Variants in SMG6 observed in about 807,000 individuals in gnomAD.
SMG6 encodes telomerase-binding protein EST1A.
A neutral mutation model predicts 142.2 loss-of-function variants in SMG6; 66 were observed. The ratio of observed to expected loss-of-function variants is 0.46; its 90% CI spans 0.38 to 0.57. The LOEUF (loss-of-function observed/expected upper bound fraction) is 0.57. SMG6 is among the 20% of genes least tolerant of loss of function. SMG6 has a pLI of 0.00. For missense variants in SMG6, 1,793 were observed against 1,832.0 expected, an observed-to-expected ratio of 0.98 and a Z score of 0.39; for synonymous variants, 779 against 702.4, an observed-to-expected ratio of 1.11 and a Z score of -1.72.
intron 18 of SMG6, among the ~76,000 whole-genome samples, chr17:2,064,242 C>T (rs1277655964): frequency 6.6e-6 from 1 of 152,132 alleles, no homozygotes; most frequent in Non-Finnish European, 1.5e-5. Flanking sequence ...GCAGATGACA[C>T]AGAGCTGGCA....
chr17:2,289,945 TATA>T (rs1384382637), intron 6 of SMG6, among the ~76,000 whole-genome samples: 5 of 118,114 alleles, frequency 4.2e-5, no homozygotes, highest in Admixed American at 8.0e-5. Context: ...TTTATACATA[TATA>T]TATATATATA....
chr17:2,266,552 A>G (rs2074426288), intron 8 of SMG6, among the ~76,000 whole-genome samples: 1 of 152,202 alleles, frequency 6.6e-6, no homozygotes, highest in Non-Finnish European at 1.5e-5. Flanking sequence ...AGCATGGCTT[A>G]TGTCACGTCT....
At chr17:2,191,629 G>A (rs1008565610) in intron 10 of SMG6, among the ~76,000 whole-genome samples, 1 of 152,174 alleles carries the variant, frequency 6.6e-6, no homozygotes, top group Admixed American at 6.5e-5. Flanking sequence ...AAGTCAGACG[G>A]AAATATTTCT....
chr17:2,068,836 C>A lies in SMG6; in HGVS notation c.3777G>T (p.Leu1259=), dbSNP rs778799313. Residue 1259 remains leucine, a synonymous_variant, in exon 16 of 19, where the codon CTG becomes CTT. Transcript: ENST00000263073. This position sits in a 1 kb window ranked among gnomAD's most constrained non-coding sequence, Gnocchi z 6.7. ...TCTCCAGCAGCCGCGCCAGACTGGC[C>A]AGGTGGTCAATGAAGCCGTTGGTGT... is the stretch of plus-strand genomic sequence containing the variant. ...VPDTNGFIDH[L]ASLARLLESR... 1 of 1,614,116 alleles carries A rather than the reference C, an allele frequency of 6.2e-7. No homozygotes were observed. Among genetic ancestry groups the A allele is most frequent in the Non-Finnish European group, 8.5e-7 (1 of 1,180,048 alleles).
intron 8 of SMG6, among the ~76,000 whole-genome samples, chr17:2,271,847 T>C (rs1017633457): frequency 6.6e-6 from 1 of 152,224 alleles, no homozygotes; most frequent in Non-Finnish European, 1.5e-5. Context: ...CTAGCATGTT[T>C]GAGTTCAAAA....
intron 13 of SMG6, among the ~76,000 whole-genome samples, chr17:2,121,640 T>TA (rs1467727271): frequency 3.0e-5 from 3 of 98,662 alleles, no homozygotes; most frequent in Non-Finnish European, 7.0e-5. Flanking sequence ...TGTGTGTGTG[T>TA]GTGTGTAGAG....
intron 10 of SMG6, among the ~76,000 whole-genome samples, chr17:2,195,740 T>A (rs578157217): frequency 6.6e-6 from 1 of 152,228 alleles, no homozygotes; most frequent in Non-Finnish European, 1.5e-5. Flanking sequence ...TGCCTGAGTA[T>A]TATTCTCCTT....
chr17:2,082,913 C>T (rs892744867), intron 14 of SMG6, among the ~76,000 whole-genome samples: 4 of 152,120 alleles, frequency 2.6e-5, no homozygotes, highest in African/African-American at 7.2e-5. Context: ...GGCCAGGTAC[C>T]GGGCTACCCA....
chr17:2,210,356 A>G (rs2072813983), intron 10 of SMG6, among the ~76,000 whole-genome samples: 1 of 151,402 alleles, frequency 6.6e-6, no homozygotes, highest in Admixed American at 6.6e-5. Context: ...TCTGGGCTCA[A>G]GCGATCTTCT....
intron 13 of SMG6, among the ~76,000 whole-genome samples, chr17:2,167,021 G>C (rs8066635): frequency 6.6e-6 from 1 of 151,550 alleles, no homozygotes; most frequent in East Asian, 2.0e-4. Context: ...TCCCAGCTAC[G>C]CGGGGGGCTG....
chr17:2,255,366 T>G (rs1301799738), intron 8 of SMG6, among the ~76,000 whole-genome samples: 27 of 120,162 alleles, frequency 2.2e-4, no homozygotes, highest in African/African-American at 8.7e-4. Context: ...ATCGCGCCAC[T>G]GCACTCCAGC....
chr17:2,206,041 T>C (rs1235236010), intron 10 of SMG6, among the ~76,000 whole-genome samples: 3 of 152,154 alleles, frequency 2.0e-5, no homozygotes, highest in Non-Finnish European at 4.4e-5. Flanking sequence ...ACTCCTGACC[T>C]CAACTGATCC....
At chr17:2,150,541 A>C (rs940992127) in intron 13 of SMG6, among the ~76,000 whole-genome samples, 1 of 150,880 alleles carries the variant, frequency 6.6e-6, no homozygotes. Flanking sequence ...AGTGATCCCC[A>C]AAGGACACAG....
intron 13 of SMG6, among the ~76,000 whole-genome samples, chr17:2,122,026 G>T (rs1387947571): frequency 1.3e-5 from 2 of 152,108 alleles, no homozygotes; most frequent in East Asian, 3.9e-4. Context: ...TAGAGACGGG[G>T]TTTCACCATG....
intron 13 of SMG6, among the ~76,000 whole-genome samples, chr17:2,144,145 G>A (rs1182585294): frequency 7.4e-6 from 1 of 134,792 alleles, no homozygotes; most frequent in African/African-American, 2.7e-5. Context: ...TGCAATGTCC[G>A]CCTCCCGGGT....
chr17:2,135,601 T>C (rs2070268134), intron 13 of SMG6, among the ~76,000 whole-genome samples: 1 of 152,208 alleles, frequency 6.6e-6, no homozygotes, highest in African/African-American at 2.4e-5. Context: ...ACAGTACCCA[T>C]TAGTCTCATG....
At chr17:2,247,962 C>G (rs913938411) in intron 8 of SMG6, among the ~76,000 whole-genome samples, 2 of 151,106 alleles carry the variant, frequency 1.3e-5, no homozygotes, top group African/African-American at 4.9e-5. Flanking sequence ...ACGAAACAGC[C>G]AGGCGTGGTG....
At chr17:2,179,074 G>A (rs1020053022) in intron 12 of SMG6, among the ~76,000 whole-genome samples, 12 of 152,168 alleles carry the variant, frequency 7.9e-5, no homozygotes, top group Admixed American at 2.0e-4. Flanking sequence ...GGCTCCTGCC[G>A]TGGGAGAGAT....
At chr17:2,134,880 T>A (rs1334564275) in intron 13 of SMG6, among the ~76,000 whole-genome samples, 1 of 85,386 alleles carries the variant, frequency 1.2e-5, no homozygotes, top group Non-Finnish European at 2.3e-5. Flanking sequence ...AGTTTTATTT[T>A]AATTTATTTT....
Sources: gnomAD v4.1 joint callset for allele counts (sites outside exome capture counted in the v4.1 genomes callset) on GRCh38, gnomAD v4.1.1 for gene constraint, Gnocchi (gnomAD v3.1) non-coding constraint, MANE v1.5 for transcripts, NCBI Gene and HGNC (gene_info 2026-07-23, HGNC 2026-07-21) for gene names.